Variants in ADRA1A observed in about 807,000 individuals in gnomAD.
ADRA1A encodes adrenoceptor alpha 1A.
Under a neutral mutation model 29.6 loss-of-function variants are expected in ADRA1A, and 31 were observed. The observed-to-expected ratio is 1.05, with a 90% CI of 0.79 to 1.41. The LOEUF is 1.41. Among genes scored for constraint, ADRA1A ranks in the 40% most tolerant of loss-of-function variants. The probability of loss-of-function intolerance (pLI) is 0.00; values close to 1 mark genes in which losing one functional copy is unlikely to be tolerated. For synonymous variants in ADRA1A, 311 were observed against 254.3 expected, an observed-to-expected ratio of 1.22 and a Z score of -2.12; for missense variants, 619 against 601.1, an observed-to-expected ratio of 1.03 and a Z score of -0.31.
chr8:26,837,664 A>AAAAT (rs1185665506), intron 2 of ADRA1A, among the ~76,000 whole-genome samples: 1 of 151,692 alleles, frequency 6.6e-6, no homozygotes, highest in African/African-American at 2.4e-5. Flanking sequence ...AAAAAAAAAA[A>AAAAT]AGTGTACAGT....
intron 2 of ADRA1A, among the ~76,000 whole-genome samples, chr8:26,795,834 G>C (rs979116308): frequency 1.3e-5 from 2 of 152,014 alleles, no homozygotes; most frequent in Non-Finnish European, 2.9e-5. Flanking sequence ...ACGGAAAATT[G>C]TTTATTCAAA....
chr8:26,838,139 T>C (rs1321573084), intron 2 of ADRA1A, among the ~76,000 whole-genome samples: 2 of 152,194 alleles, frequency 1.3e-5, no homozygotes, highest in African/African-American at 4.8e-5. Flanking sequence ...CTACAACATG[T>C]TTTCTTTTTT....
At chr8:26,766,762 G>A (rs987587603), downstream of ADRA1A, among the ~76,000 whole-genome samples, 1 of 152,046 alleles carries the variant, frequency 6.6e-6, no homozygotes, top group Non-Finnish European at 1.5e-5. Context: ...ACAATGATCA[G>A]ATTTTTATCT....
At chr8:26,791,296 G>A (rs1343824465) in intron 2 of ADRA1A, among the ~76,000 whole-genome samples, 1 of 152,116 alleles carries the variant, frequency 6.6e-6, no homozygotes, top group East Asian at 1.9e-4. Context: ...TGTGTGGATA[G>A]ATTTGGAGTA....
chr8:26,785,675 T>C (rs1807320822), intron 2 of ADRA1A, among the ~76,000 whole-genome samples: 3 of 152,094 alleles, frequency 2.0e-5, no homozygotes, highest in African/African-American at 7.2e-5. Context: ...ATCAAGCGAG[T>C]GGCTTCAGTC....
At chr8:26,861,724 T>A (rs1813483073) in intron 2 of ADRA1A, among the ~76,000 whole-genome samples, 1 of 152,194 alleles carries the variant, frequency 6.6e-6, no homozygotes, top group Non-Finnish European at 1.5e-5. Context: ...GTTTTGCCAG[T>A]TTTAGTGAAG....
rs934969473 is a variant in ADRA1A, at chr8:26,815,189, A to G, written c.884-44523T>C. On this transcript the variant is annotated intron_variant, in intron 2 of 2. Coordinates refer to ENST00000380573, the MANE Select transcript of ADRA1A (RefSeq NM_000680.4). The surrounding 1 kb of genome is among the most constrained non-coding windows in gnomAD (Gnocchi z 4.2). ...ACTGGGTTAAATCTTGTGGTAAACT[A>G]TAATAGGATAACAGTCTTAAATAGA... 1.4e-4 allele frequency among the ~76,000 whole-genome samples: 21 copies of G among 152,236 alleles called. No individual in the cohort carries two copies. Among genetic ancestry groups the G allele is most frequent in the Non-Finnish European group, 2.6e-4 (18 of 68,044 alleles).
downstream of ADRA1A, among the ~76,000 whole-genome samples, chr8:26,761,699 T>C (rs1805511787): frequency 6.6e-6 from 1 of 152,230 alleles, no homozygotes; most frequent in Admixed American, 6.5e-5. Context: ...ACCCCATTTG[T>C]TATGATTGGC....
intron 2 of ADRA1A, among the ~76,000 whole-genome samples, chr8:26,824,902 C>T (rs549921576): frequency 6.6e-6 from 1 of 152,326 alleles, no homozygotes; most frequent in African/African-American, 2.4e-5. Flanking sequence ...CAGCAAGACT[C>T]TCCAATGCAT....
Position 26,769,933 on chromosome 8 carries a change from G to A in ADRA1A, c.*216C>T, listed in dbSNP as rs73678233. The A allele has an allele frequency of 2.7e-3, 3,516 of 1,308,578 alleles. 79 individuals carry two copies. The African/African-American group carries it at 0.046, about 17-fold the overall frequency. The allele number at this position is 1,308,578 out of a possible 1,614,324, so 81.1% of individuals were successfully genotyped here. On this transcript the variant is annotated 3_prime_UTR_variant, in exon 3 of 3. Coordinates refer to ENST00000380573, the MANE Select transcript of ADRA1A (RefSeq NM_000680.4). ...AAAGCATTAGCTGCAGGGAAATGCT[G>A]TTCCGTATCATTCTGAACTGGTTGG... is the stretch of plus-strand genomic sequence containing the variant.
At chr8:26,813,588 T>C (rs1809566023) in intron 2 of ADRA1A, among the ~76,000 whole-genome samples, 1 of 152,036 alleles carries the variant, frequency 6.6e-6, no homozygotes, top group African/African-American at 2.4e-5. Context: ...CCCAGGCTGG[T>C]GGGTTACACT....
At chr8:26,807,433 G>T (rs1020514409) in intron 2 of ADRA1A, among the ~76,000 whole-genome samples, 1 of 152,122 alleles carries the variant, frequency 6.6e-6, no homozygotes, top group Non-Finnish European at 1.5e-5. Flanking sequence ...GAGAACTGGA[G>T]GGAACCCCTC....
At chr8:26,863,703 C>A (rs1813647031) in intron 2 of ADRA1A, among the ~76,000 whole-genome samples, 1 of 152,168 alleles carries the variant, frequency 6.6e-6, no homozygotes, top group Non-Finnish European at 1.5e-5. Context: ...CATTCTGTAG[C>A]AGAGTGAAAA....
chr8:26,822,064 T>G (rs73231575), intron 2 of ADRA1A, among the ~76,000 whole-genome samples: 9,983 of 152,260 alleles, frequency 0.066, 382 homozygotes, highest in Middle Eastern at 0.082. Context: ...CTGTACAAGT[T>G]TTTTGTGTGA....
chr8:26,799,682 G>T (rs1808431687), intron 2 of ADRA1A, among the ~76,000 whole-genome samples: 1 of 152,134 alleles, frequency 6.6e-6, no homozygotes, highest in East Asian at 1.9e-4. Context: ...ACTGTAGCTT[G>T]TTTCACCTTC....
At chr8:26,858,403 A>G (rs1813199931) in intron 2 of ADRA1A, among the ~76,000 whole-genome samples, 1 of 152,226 alleles carries the variant, frequency 6.6e-6, no homozygotes, top group African/African-American at 2.4e-5. Flanking sequence ...GTTGACATAC[A>G]TCAGTAATGG....
exon 3 of ADRA1A, chr8:26,756,599 G>C (rs774262779): frequency 4.5e-6 from 7 of 1,556,236 alleles, no homozygotes; most frequent in Admixed American, 1.9e-5. Flanking sequence ...TTGTGCCTTA[G>C]TCAGATGGAT....
chr8:26,832,075 C>T (rs1195113151), intron 2 of ADRA1A, among the ~76,000 whole-genome samples: 1 of 152,248 alleles, frequency 6.6e-6, no homozygotes, highest in African/African-American at 2.4e-5. Context: ...CTCCCAATCT[C>T]CCCTTCCTTT....
At chr8:26,788,935 T>C (rs1024481186) in intron 2 of ADRA1A, among the ~76,000 whole-genome samples, 2 of 152,134 alleles carry the variant, frequency 1.3e-5, no homozygotes, top group African/African-American at 4.8e-5. Flanking sequence ...GTTAAAAATA[T>C]ATATTTTTAA....
Sources: allele counts gnomAD v4.1 joint callset (sites outside exome capture counted in the v4.1 genomes callset), GRCh38; gene constraint gnomAD v4.1.1; non-coding constraint Gnocchi (gnomAD v3.1); transcripts MANE v1.5; gene names NCBI Gene and HGNC (gene_info 2026-07-23, HGNC 2026-07-21).